Variants in FSD2 observed in about 807,000 individuals in gnomAD.
The protein encoded by FSD2 is fibronectin type III and SPRY domain containing 2, also known as fibronectin type III and SPRY domain-containing protein 2.
FSD2 carries 71 observed loss-of-function variants against 80.4 expected under a neutral mutation model. The ratio of observed to expected loss-of-function variants is 0.88; its 90% CI spans 0.73 to 1.08. The LOEUF is 1.08. FSD2 is among the 50% of genes least tolerant of loss of function. FSD2 has a pLI of 0.00. For missense variants in FSD2, 923 were observed against 913.8 expected, an observed-to-expected ratio of 1.01 and a Z score of -0.13; for synonymous variants, 361 against 329.5, an observed-to-expected ratio of 1.10 and a Z score of -1.03.
Position 82,787,022 on chromosome 15 carries a change from A to G in FSD2, c.369T>C (p.Ser123=), listed in dbSNP as rs754631727. 162 of 1,613,682 alleles carry G rather than the reference A, an allele frequency of 1.0e-4. No homozygotes were observed. The highest frequency in any genetic ancestry group is 1.2e-4 in the Non-Finnish European group (146 of 1,179,880). The change falls in exon 2 of 13, where the codon AGT becomes AGC. Residue 123 remains serine (S), a synonymous_variant. Transcript: ENST00000334574. ...PAREQRDWRL[S]GEAAEAEDLG... The stretch of plus-strand genomic sequence containing the variant: ...GGTCCTCGGCCTCCGCTGCCTCTCC[A>G]CTAAGTCTCCAGTCTCTCTGCTCCC...
In FSD2 at chr15:82,759,425, A is replaced by G. The variant is rs375920867; in HGVS notation, c.2173T>C (p.Cys725Arg). The change falls in exon 13 of 13, where the codon TGT (cysteine) becomes CGT (arginine). Residue 725 changes from cysteine to arginine, a missense_variant. Transcript: ENST00000334574. ...SCQLHEFVHPCFSLEKPGCLK... is the reference protein window; with the variant it reads ...SCQLHEFVHPRFSLEKPGCLK... Reference sequence around the variant, plus strand: ...CACCCAGGCTTTTCCAAAGAAAAACAGGGATGCACAAATTCGTGAAGCTGA... The same window carrying G: ...CACCCAGGCTTTTCCAAAGAAAAACGGGGATGCACAAATTCGTGAAGCTGA... 4.8e-5 allele frequency: 77 copies of G among 1,613,784 alleles called. No homozygotes were observed. Among genetic ancestry groups the G allele is most frequent in the Non-Finnish European group, 6.4e-5 (75 of 1,179,744 alleles).
At chr15:82,790,544 T>TTGTGTGTGTGTGTGTGTGTG (rs57545404) in intron 1 of FSD2, among the ~76,000 whole-genome samples, 16 of 148,782 alleles carry the variant, frequency 1.1e-4, no homozygotes, top group East Asian at 1.0e-3. Context: ...GAGCTGCCAT[T>TTGTGTGTGTGTGTGTGTGTG]TGTGTGTGTG....
intron 7 of FSD2, among the ~76,000 whole-genome samples, chr15:82,770,099 G>C (rs2049528827): frequency 6.6e-6 from 1 of 152,162 alleles, no homozygotes; most frequent in African/African-American, 2.4e-5. Context: ...TATGTGACTA[G>C]CTTTGGTCAA....
At chr15:82,796,176 A>AT (rs1216008385) in intron 1 of FSD2, 1 of 152,382 alleles carries the variant, frequency 6.6e-6, no homozygotes, top group Non-Finnish European at 1.5e-5. Context: ...TAATTTTTGT[A>AT]TTTTTTAGTA....
At chr15:82,773,641 A>G (rs2049641298) in intron 6 of FSD2, among the ~76,000 whole-genome samples, 1 of 152,228 alleles carries the variant, frequency 6.6e-6, no homozygotes, top group South Asian at 2.1e-4. Flanking sequence ...GAAAAGAACC[A>G]TCCAGTGGAC....
At chr15:82,795,522 A>G (rs968210113) in intron 1 of FSD2, among the ~76,000 whole-genome samples, 4 of 152,318 alleles carry the variant, frequency 2.6e-5, no homozygotes, top group Admixed American at 2.6e-4. Flanking sequence ...TATCAGAGGA[A>G]GACATTTCAC....
intron 6 of FSD2, among the ~76,000 whole-genome samples, chr15:82,773,755 A>G (rs992534234): frequency 1.3e-5 from 2 of 152,226 alleles, no homozygotes; most frequent in Non-Finnish European, 2.9e-5. Flanking sequence ...AATGGTAAAA[A>G]AAAATTAGAA....
At chr15:82,782,468 G>C (rs961247845) in intron 4 of FSD2, among the ~76,000 whole-genome samples, 5 of 152,194 alleles carry the variant, frequency 3.3e-5, no homozygotes, top group African/African-American at 1.2e-4. Context: ...TTTTTGCTCA[G>C]CTTAGCTCCA....
Position 82,759,363 on chromosome 15 carries a change from A to G in FSD2, c.2235T>C (p.His745=), listed in dbSNP as rs371725076. Residue 745 remains histidine (H), a synonymous_variant, in exon 13 of 13, where the codon CAT becomes CAC. Transcript: ENST00000334574. ...TCAGAATGTTCTAATAGAAAGTGAC[A>G]TGTTTTGGCATTGAAATGCCATTAT... ...KVHNGISMPK[H]VTFY The G allele has an allele frequency of 3.1e-6, 5 of 1,613,162 alleles. No homozygotes were observed. The African/African-American group carries it at 6.7e-5, about 22-fold the overall frequency.
chr15:82,789,194 A>T (rs985392913), intron 1 of FSD2, among the ~76,000 whole-genome samples: 11 of 152,214 alleles, frequency 7.2e-5, no homozygotes, highest in Non-Finnish European at 1.3e-4. Flanking sequence ...GGGGATGTAC[A>T]CTACATAGAA....
chr15:82,783,121 C>T (rs2049911117), intron 3 of FSD2, 96 bp from the exon 4 acceptor site: 5 of 896,184 alleles, frequency 5.6e-6, no homozygotes, highest in Non-Finnish European at 8.7e-6. Flanking sequence ...GTTTTTGAGA[C>T]ACAGTCTTGC....
At chr15:82,776,793 G>T (rs763819633) in intron 6 of FSD2, among the ~76,000 whole-genome samples, 1 of 152,090 alleles carries the variant, frequency 6.6e-6, no homozygotes, top group Non-Finnish European at 1.5e-5. Context: ...TCTTGGGAAA[G>T]ACAAAGCTAG....
At chr15:82,791,729 C>T (rs745850277) in intron 1 of FSD2, among the ~76,000 whole-genome samples, 6 of 152,164 alleles carry the variant, frequency 3.9e-5, no homozygotes, top group Non-Finnish European at 5.9e-5. Context: ...TTAGCTATCA[C>T]CACCAGCATT....
chr15:82,800,436 A>T (rs1231791376), intron 1 of FSD2, among the ~76,000 whole-genome samples: 2 of 150,140 alleles, frequency 1.3e-5, no homozygotes, highest in East Asian at 4.0e-4. Flanking sequence ...TCACACCTGT[A>T]ATCTCAGCAC....
chr15:82,771,945 A>C, intron 7 of FSD2, 128 bp downstream of exon 7: 2 of 1,000,238 alleles, frequency 2.0e-6, no homozygotes, highest in Non-Finnish European at 2.8e-6. Context: ...ACCTGCCTGC[A>C]TCCAATCCTC....
chr15:82,774,043 T>C (rs1377512398), intron 6 of FSD2, among the ~76,000 whole-genome samples: 1 of 152,192 alleles, frequency 6.6e-6, no homozygotes, highest in Admixed American at 6.5e-5. Context: ...TTACAGACTA[T>C]CCTTATAAAT....
At chr15:82,794,989 G>T (rs1440247514) in intron 1 of FSD2, among the ~76,000 whole-genome samples, 2 of 152,186 alleles carry the variant, frequency 1.3e-5, no homozygotes, top group Non-Finnish European at 1.5e-5. Flanking sequence ...CTCCCAAAGT[G>T]CTGGGATTAC....
intron 7 of FSD2, 32 bp from the exon 8 acceptor site, chr15:82,769,916 T>C: frequency 6.2e-7 from 1 of 1,610,592 alleles, no homozygotes; most frequent in East Asian, 2.2e-5. Context: ...AATTCAACCC[T>C]AAAAACTGGC....
At chr15:82,768,313 C>T (rs2049471314) in intron 9 of FSD2, among the ~76,000 whole-genome samples, 1 of 152,264 alleles carries the variant, frequency 6.6e-6, no homozygotes, top group Admixed American at 6.5e-5. Context: ...CCCCGAAGCA[C>T]CCCTGCATTC....
Sources: gnomAD v4.1 joint callset for allele counts (sites outside exome capture counted in the v4.1 genomes callset) on GRCh38, gnomAD v4.1.1 for gene constraint, MANE v1.5 for transcripts, NCBI Gene and HGNC (gene_info 2026-07-23, HGNC 2026-07-21) for gene names.